MAN2A1: variants seen among roughly 807,000 people sequenced by gnomAD.
MAN2A1 encodes the protein alpha-mannosidase 2.
A neutral mutation model predicts 142.6 loss-of-function variants in MAN2A1; 76 were observed. The ratio of observed to expected loss-of-function variants is 0.53; its 90% confidence interval spans 0.44 to 0.65. The LOEUF (loss-of-function observed/expected upper bound fraction) is 0.65. Among genes scored for constraint, MAN2A1 ranks in the 30% least tolerant of loss-of-function variants. The pLI, the probability that MAN2A1 is intolerant of heterozygous loss-of-function variation, is 0.00. For missense variants in MAN2A1, 1,311 were observed against 1,365.1 expected (o/e 0.96, Z 0.62); for synonymous variants, 559 against 473.2 (o/e 1.18, Z -2.35).
intron 4 of MAN2A1, among the ~76,000 whole-genome samples, chr5:109,754,020 C>G (rs1752616115): frequency 6.6e-6 from 1 of 151,836 alleles, no homozygotes; most frequent in South Asian, 2.1e-4. Flanking sequence ...GCAATCCTCC[C>G]ACCTCAGCCT....
chr5:109,714,989 CAAAA>C (rs60333109), intron 2 of MAN2A1, among the ~76,000 whole-genome samples: 1 of 118,104 alleles, frequency 8.5e-6, no homozygotes, highest in Non-Finnish European at 1.8e-5. Flanking sequence ...AAGGGAACAG[CAAAA>C]AAAAAAAAAA....
chr5:109,702,196 T>G (rs972819955), intron 1 of MAN2A1, among the ~76,000 whole-genome samples: 1 of 152,190 alleles, frequency 6.6e-6, no homozygotes, highest in Non-Finnish European at 1.5e-5. Context: ...AAAGATAAGA[T>G]GATCAGAAGG....
intron 4 of MAN2A1, among the ~76,000 whole-genome samples, chr5:109,738,481 C>G (rs1752172824): frequency 6.6e-6 from 1 of 152,086 alleles, no homozygotes; most frequent in East Asian, 1.9e-4. Context: ...CTTGAGTTTG[C>G]TGTCCTTTTT....
At chr5:109,828,080 G>A (rs1206756406) in intron 16 of MAN2A1, among the ~76,000 whole-genome samples, 1 of 150,222 alleles carries the variant, frequency 6.7e-6, no homozygotes, top group Non-Finnish European at 1.5e-5. Flanking sequence ...ACTCCAACCT[G>A]GGCAACAGAG....
chr5:109,842,288 A>G (rs1251253878), intron 16 of MAN2A1, 40 bp from the exon 17 acceptor site: 2 of 1,346,696 alleles, frequency 1.5e-6, no homozygotes, highest in East Asian at 2.6e-5. Context: ...GAGGCAAGTA[A>G]TTTCTTTCTA....
At chr5:109,823,879 G>T in intron 16 of MAN2A1, 42 bp downstream of exon 16, 1 of 955,366 alleles carries the variant, frequency 1.0e-6, no homozygotes, top group Non-Finnish European at 1.5e-6. Context: ...ATGTATTATG[G>T]TTTTTGAATT....
At chr5:109,706,341 A>G (rs1025064006) in intron 1 of MAN2A1, among the ~76,000 whole-genome samples, 1 of 152,136 alleles carries the variant, frequency 6.6e-6, no homozygotes, top group Admixed American at 6.5e-5. Flanking sequence ...CTTCAAAGTG[A>G]TTTTTCAAAA....
At chr5:109,736,489 C>T (rs926818319) in intron 4 of MAN2A1, among the ~76,000 whole-genome samples, 1 of 152,012 alleles carries the variant, frequency 6.6e-6, no homozygotes, top group African/African-American at 2.4e-5. Context: ...TGCACTCCAG[C>T]CTGGGTGACT....
At chr5:109,753,814 C>A (rs984554073) in intron 4 of MAN2A1, among the ~76,000 whole-genome samples, 1 of 152,254 alleles carries the variant, frequency 6.6e-6, no homozygotes, top group Non-Finnish European at 1.5e-5. Context: ...TTGCTTCTTT[C>A]TGAAATTTTA....
At chr5:109,698,774 T>C (rs1226735472) in intron 1 of MAN2A1, among the ~76,000 whole-genome samples, 2 of 152,162 alleles carry the variant, frequency 1.3e-5, no homozygotes, top group African/African-American at 2.4e-5. Flanking sequence ...ATTTTTTTTT[T>C]CTTTTAAACA....
intron 18 of MAN2A1, among the ~76,000 whole-genome samples, chr5:109,847,248 C>T (rs1389258121): frequency 6.6e-6 from 1 of 152,118 alleles, no homozygotes; most frequent in Non-Finnish European, 1.5e-5. Context: ...TATCTCACTT[C>T]CTGGAAATGT....
intron 16 of MAN2A1, among the ~76,000 whole-genome samples, chr5:109,832,571 T>A (rs928254599): frequency 2.0e-5 from 3 of 152,324 alleles, no homozygotes; most frequent in South Asian, 4.1e-4. Context: ...CATGTCTACT[T>A]CTTTCTACAC....
At chr5:109,789,144 A>C in intron 11 of MAN2A1, 96 bp downstream of exon 11, 1 of 645,098 alleles carries the variant, frequency 1.6e-6, no homozygotes, top group Admixed American at 3.0e-5. Context: ...AAAGACATTG[A>C]AATATAATTT....
intron 2 of MAN2A1, 54 bp from the exon 3 acceptor site, chr5:109,716,066 C>T: frequency 1.6e-6 from 2 of 1,257,822 alleles, no homozygotes; most frequent in East Asian, 5.1e-5. Flanking sequence ...AAATATTTAC[C>T]AACATTAAAT....
chr5:109,697,545 G>A (rs1213792933), intron 1 of MAN2A1, among the ~76,000 whole-genome samples: 2 of 152,166 alleles, frequency 1.3e-5, no homozygotes, highest in Non-Finnish European at 2.9e-5. Flanking sequence ...ATAGGGCCAT[G>A]TGCTAAGAAT....
At chr5:109,801,583 ATTAGAT>A (rs1471074690) in intron 12 of MAN2A1, among the ~76,000 whole-genome samples, 1 of 152,194 alleles carries the variant, frequency 6.6e-6, no homozygotes, top group Non-Finnish European at 1.5e-5. Flanking sequence ...GCATCTGCAA[ATTAGAT>A]TCATTAACTA....
chr5:109,784,462 T>A (rs1198524140), intron 9 of MAN2A1, among the ~76,000 whole-genome samples: 3 of 152,192 alleles, frequency 2.0e-5, no homozygotes, highest in African/African-American at 7.2e-5. Context: ...TAAATAAGCC[T>A]GTCTTGCTGC....
At chr5:109,858,301 C>G (rs1755673992) in intron 20 of MAN2A1, among the ~76,000 whole-genome samples, 1 of 152,186 alleles carries the variant, frequency 6.6e-6, no homozygotes, top group Non-Finnish European at 1.5e-5. Context: ...AAAGGAAGGA[C>G]TGGTCCATTC....
intron 6 of MAN2A1, among the ~76,000 whole-genome samples, chr5:109,769,297 A>C (rs997462825): frequency 1.3e-5 from 2 of 152,242 alleles, no homozygotes; most frequent in Admixed American, 6.5e-5. Flanking sequence ...TAAAACTGGA[A>C]TATTTTAGGA....
Sources: gnomAD v4.1 joint callset for allele counts (sites outside exome capture counted in the v4.1 genomes callset) on GRCh38, gnomAD v4.1.1 for gene constraint, MANE v1.5 for transcripts, NCBI Gene and HGNC (gene_info 2026-07-23, HGNC 2026-07-21) for gene names.